KCNK2: variants seen among roughly 807,000 people sequenced by gnomAD.
KCNK2 encodes the protein potassium channel subfamily K member 2.
Under a neutral mutation model 40.5 loss-of-function variants are expected in KCNK2, and 21 were observed. The observed-to-expected ratio is 0.52, with a 90% CI of 0.37 to 0.75. The LOEUF (loss-of-function observed/expected upper bound fraction) is 0.75. Among genes scored for constraint, KCNK2 ranks in the 30% least tolerant of loss-of-function variants. The pLI is 0.00. For missense variants in KCNK2, 399 were observed against 531.6 expected (o/e 0.75, Z 2.45); for synonymous variants, 191 against 202.2 (o/e 0.94, Z 0.47).
chr1:215,053,925 C>A (rs1321237077), intron 1 of KCNK2, among the ~76,000 whole-genome samples: 1 of 152,212 alleles, frequency 6.6e-6, no homozygotes, highest in Non-Finnish European at 1.5e-5. Context: ...CAAGACAGCA[C>A]CCCTGCACTC....
intron 1 of KCNK2, among the ~76,000 whole-genome samples, chr1:215,031,835 T>C (rs143064637): frequency 6.8e-4 from 104 of 152,318 alleles, no homozygotes; most frequent in African/African-American, 2.4e-3. Flanking sequence ...TTTCTTATTA[T>C]ATTTCTTATT....
At chr1:215,185,706 G>A (rs1390061109) in intron 5 of KCNK2, among the ~76,000 whole-genome samples, 5 of 152,106 alleles carry the variant, frequency 3.3e-5, no homozygotes, top group Non-Finnish European at 5.9e-5. Flanking sequence ...AAAAGCAAGA[G>A]GAATTGCTCT....
At chr1:215,207,220 G>C (rs1266693375) in intron 6 of KCNK2, among the ~76,000 whole-genome samples, 1 of 152,146 alleles carries the variant, frequency 6.6e-6, no homozygotes, top group Admixed American at 6.5e-5. Context: ...GGAGGTGAAC[G>C]GTGGGTGAGT....
chr1:215,069,249 C>T (rs1223475966), intron 1 of KCNK2, among the ~76,000 whole-genome samples: 21 of 152,162 alleles, frequency 1.4e-4, no homozygotes, highest in Non-Finnish European at 2.6e-4. Context: ...CTTTGTTGGC[C>T]GCATCCTGGT....
intron 1 of KCNK2, among the ~76,000 whole-genome samples, chr1:215,040,875 T>C (rs1657539137): frequency 6.6e-6 from 1 of 152,166 alleles, no homozygotes. Flanking sequence ...CATCTGTGTT[T>C]GGCAAATGTG....
chr1:215,177,427 C>G (rs1251280704), intron 5 of KCNK2, among the ~76,000 whole-genome samples: 1 of 151,856 alleles, frequency 6.6e-6, no homozygotes, highest in Non-Finnish European at 1.5e-5. Context: ...AAATTCTTTC[C>G]CAAGGCTGAT....
At chr1:215,223,297 T>C (rs1188469806) in intron 6 of KCNK2, among the ~76,000 whole-genome samples, 3 of 148,982 alleles carry the variant, frequency 2.0e-5, no homozygotes, top group Middle Eastern at 3.7e-3. Flanking sequence ...GATACTTGAG[T>C]TGGCTGTTGG....
chr1:215,142,298 G>T (rs1662218112), intron 3 of KCNK2, among the ~76,000 whole-genome samples: 1 of 152,040 alleles, frequency 6.6e-6, no homozygotes, highest in African/African-American at 2.4e-5. Context: ...TTGGAGACAT[G>T]CTCTTTTGAA....
chr1:215,128,506 A>G (rs976566565), intron 3 of KCNK2, among the ~76,000 whole-genome samples: 4 of 152,180 alleles, frequency 2.6e-5, no homozygotes, highest in Non-Finnish European at 2.9e-5. Flanking sequence ...TGACTGAAGA[A>G]TAACAAAAAT....
intron 5 of KCNK2, among the ~76,000 whole-genome samples, chr1:215,172,639 A>G (rs1484986025): frequency 6.6e-6 from 1 of 151,926 alleles, no homozygotes; most frequent in Non-Finnish European, 1.5e-5. Context: ...CATTTACAGG[A>G]GCCTTCTATT....
intron 1 of KCNK2, among the ~76,000 whole-genome samples, chr1:215,083,956 G>A (rs916442771): frequency 6.6e-6 from 1 of 152,172 alleles, no homozygotes; most frequent in Non-Finnish European, 1.5e-5. Flanking sequence ...GGAAGGGGCA[G>A]CTTCTCTCCC....
At chr1:215,199,609 A>G (rs1330644754) in intron 6 of KCNK2, among the ~76,000 whole-genome samples, 1 of 152,202 alleles carries the variant, frequency 6.6e-6, no homozygotes, top group Non-Finnish European at 1.5e-5. Context: ...TTTAAGCTCC[A>G]GTGGAGGGTA....
At chr1:215,046,167 C>T (rs1022898030) in intron 1 of KCNK2, among the ~76,000 whole-genome samples, 1 of 151,988 alleles carries the variant, frequency 6.6e-6, no homozygotes, top group East Asian at 1.9e-4. Context: ...ATGGAATTGT[C>T]CTCTGGAGTG....
intron 2 of KCNK2, among the ~76,000 whole-genome samples, chr1:215,104,532 T>C (rs1163137023): frequency 6.6e-6 from 1 of 152,038 alleles, no homozygotes; most frequent in Non-Finnish European, 1.5e-5. Flanking sequence ...CTGCCTCCTG[T>C]GCATTGCTGA....
chr1:215,065,297 T>C (rs1333588929), intron 1 of KCNK2, among the ~76,000 whole-genome samples: 2 of 152,206 alleles, frequency 1.3e-5, no homozygotes, highest in African/African-American at 4.8e-5. Flanking sequence ...GTACATTTGT[T>C]CTTTAAATAT....
rs36102610 is a variant in KCNK2, at chr1:215,107,030, ATT to A, written c.358-17591_358-17590del. Among the ~76,000 whole-genome samples, 220 of 148,472 alleles carry A rather than the reference ATT, an allele frequency of 1.5e-3. 1 individual carries two copies. Among genetic ancestry groups the A allele is most frequent in the African/African-American group, 2.6e-3 (105 of 40,584 alleles). ...AAGTCAAATAATGTAATGCCTCTAG[ATT>A]TTTTTTTTTTTAATTTTCTTAGGAT... On this transcript the variant is annotated intron_variant, in intron 2 of 6. Transcript: ENST00000444842.
At chr1:215,029,541 C>G (rs1414845090) in intron 1 of KCNK2, among the ~76,000 whole-genome samples, 1 of 142,838 alleles carries the variant, frequency 7.0e-6, no homozygotes, top group African/African-American at 2.6e-5. Context: ...TAAATATATC[C>G]AAATATATCA....
chr1:215,068,880 C>T (rs911517923), intron 1 of KCNK2, among the ~76,000 whole-genome samples: 5 of 152,160 alleles, frequency 3.3e-5, no homozygotes, highest in African/African-American at 9.7e-5. Context: ...CCTTAGCAAC[C>T]AGCTATTTGG....
At chr1:215,086,311 C>G (rs1659433957) in intron 1 of KCNK2, 57 bp from the exon 2 acceptor site, 9 of 1,407,638 alleles carry the variant, frequency 6.4e-6, no homozygotes, top group Non-Finnish European at 8.9e-6. Flanking sequence ...AAGAAGAAGC[C>G]CGACCAATTC....
Sources: gnomAD v4.1 joint callset for allele counts (sites outside exome capture counted in the v4.1 genomes callset) on GRCh38, gnomAD v4.1.1 for gene constraint, MANE v1.5 for transcripts, NCBI Gene and HGNC (gene_info 2026-07-23, HGNC 2026-07-21) for gene names.